The following HERPUD2 variants were observed in gnomAD, a reference collection of about 807,000 sequenced individuals.
The protein encoded by HERPUD2 is HERPUD family member 2.
Under a neutral mutation model 49.9 loss-of-function variants are expected in HERPUD2, and 13 were observed. The ratio of observed to expected loss-of-function variants is 0.26; its 90% CI spans 0.17 to 0.41. The LOEUF (loss-of-function observed/expected upper bound fraction) is 0.41, where lower values mean the gene tolerates loss of function less well. Among genes scored for constraint, HERPUD2 ranks in the 10% least tolerant of loss-of-function variants. The pLI is 1.00. For missense variants in HERPUD2, 449 were observed against 492.2 expected (o/e 0.91, Z 0.83); for synonymous variants, 172 against 171.4 (o/e 1.00, Z -0.03).
At chr7:35,655,726 A>C (rs1471123909) in intron 5 of HERPUD2, among the ~76,000 whole-genome samples, 1 of 152,232 alleles carries the variant, frequency 6.6e-6, no homozygotes, top group East Asian at 1.9e-4. Flanking sequence ...AAGGCAGCCA[A>C]ATTGGAAAAG....
chr7:35,638,760 T>C (rs1385009138), intron 5 of HERPUD2, among the ~76,000 whole-genome samples: 1 of 152,202 alleles, frequency 6.6e-6, no homozygotes, highest in Admixed American at 6.5e-5. Context: ...TATCTTCCCA[T>C]TTCATTACAT....
At chr7:35,653,274 T>C (rs1785203842) in intron 5 of HERPUD2, among the ~76,000 whole-genome samples, 2 of 152,052 alleles carry the variant, frequency 1.3e-5, no homozygotes, top group Non-Finnish European at 2.9e-5. Flanking sequence ...AACAAGAACA[T>C]CTATCCTTAT....
At chr7:35,647,244 T>A (rs1414995174) in intron 5 of HERPUD2, among the ~76,000 whole-genome samples, 1 of 152,142 alleles carries the variant, frequency 6.6e-6, no homozygotes, top group Non-Finnish European at 1.5e-5. Context: ...GCGATTGCTT[T>A]ATTCTCCCTA....
intron 2 of HERPUD2, among the ~76,000 whole-genome samples, chr7:35,675,005 G>C (rs147762623): frequency 1.3e-5 from 2 of 152,202 alleles, no homozygotes; most frequent in African/African-American, 4.8e-5. Flanking sequence ...AACCCCAGGA[G>C]GGGGTCACGG....
At chr7:35,693,214 TTCAGAATGGAAC>T (rs1274877342) in intron 2 of HERPUD2, among the ~76,000 whole-genome samples, 4 of 152,216 alleles carry the variant, frequency 2.6e-5, no homozygotes, top group Non-Finnish European at 4.4e-5. Flanking sequence ...CCAGTTATGA[TTCAGAATGGAAC>T]ACAGAATGGA....
chr7:35,650,480 T>C (rs1254853794), intron 5 of HERPUD2, among the ~76,000 whole-genome samples: 1 of 151,940 alleles, frequency 6.6e-6, no homozygotes, highest in African/African-American at 2.4e-5. Context: ...CACCTCCTAA[T>C]TCCTAAGTAG....
chr7:35,651,662 G>A (rs889494121), intron 5 of HERPUD2, among the ~76,000 whole-genome samples: 22 of 151,804 alleles, frequency 1.4e-4, no homozygotes, highest in African/African-American at 5.3e-4. Flanking sequence ...CATAAGGATA[G>A]AAGAAACATG....
chr7:35,683,020 C>T (rs2116024390), intron 2 of HERPUD2, among the ~76,000 whole-genome samples: 1 of 152,114 alleles, frequency 6.6e-6, no homozygotes, highest in East Asian at 1.9e-4. Flanking sequence ...AAATTCAACG[C>T]AATTCCCATC....
chr7:35,669,130 G>A (rs772312543), intron 4 of HERPUD2, among the ~76,000 whole-genome samples: 15 of 151,912 alleles, frequency 9.9e-5, no homozygotes, highest in South Asian at 2.1e-4. Flanking sequence ...TGTGTCCGAC[G>A]ACTACAAAAA....
chr7:35,637,172 T>C (rs28371397), intron 6 of HERPUD2, among the ~76,000 whole-genome samples: 2 of 121,342 alleles, frequency 1.6e-5, no homozygotes, highest in Admixed American at 1.6e-4. Flanking sequence ...GATAGATAGA[T>C]AGATAGATAG....
At chr7:35,687,966 A>G (rs1195609163) in intron 2 of HERPUD2, among the ~76,000 whole-genome samples, 2 of 152,204 alleles carry the variant, frequency 1.3e-5, no homozygotes, top group Non-Finnish European at 2.9e-5. Context: ...CAAATTTCAT[A>G]TGCTAATTTA....
intron 5 of HERPUD2, among the ~76,000 whole-genome samples, chr7:35,639,424 G>C (rs1784929998): frequency 6.6e-6 from 1 of 152,112 alleles, no homozygotes; most frequent in South Asian, 2.1e-4. Flanking sequence ...TCTAATAATA[G>C]AATCTTCCTC....
At chr7:35,674,449 A>AGAGAGG (rs1785716163) in intron 2 of HERPUD2, among the ~76,000 whole-genome samples, 1 of 127,004 alleles carries the variant, frequency 7.9e-6, no homozygotes, top group Non-Finnish European at 1.7e-5. Context: ...AGAGAGAGAG[A>AGAGAGG]GAGAGAGAGA....
chr7:35,659,880 T>C (rs1785372878), intron 5 of HERPUD2, among the ~76,000 whole-genome samples: 1 of 152,088 alleles, frequency 6.6e-6, no homozygotes. Context: ...TTTTTTTTAT[T>C]CCTTTATTTT....
At chr7:35,646,086 A>G (rs909480348) in intron 5 of HERPUD2, among the ~76,000 whole-genome samples, 9 of 152,244 alleles carry the variant, frequency 5.9e-5, no homozygotes, top group African/African-American at 2.2e-4. Context: ...AGCACAATAA[A>G]TATGTTTTGA....
At chr7:35,671,960 G>T (rs1463336417) in intron 3 of HERPUD2, among the ~76,000 whole-genome samples, 5 of 151,762 alleles carry the variant, frequency 3.3e-5, no homozygotes, top group Non-Finnish European at 1.5e-5. Flanking sequence ...GAAAAAAAAA[G>T]AACAGCCAGA....
rs528141829 is a variant in HERPUD2 at position 35,664,897 on chromosome 7, A to G, written c.494+2537T>C. 3.3e-5 allele frequency among the ~76,000 whole-genome samples: 5 copies of G among 152,064 alleles called. No homozygotes were observed. In the South Asian group the frequency reaches 1.0e-3, roughly 32 times the overall value. ...GATTGTCTGAAGCCGCCTTCTCTCG[A>G]CTCGTCAAAGTCATTCTCCATACAG... On this transcript the variant is annotated intron_variant, in intron 5 of 8. Transcript: ENST00000311350.
At chr7:35,687,051 C>A (rs1562688872) in intron 2 of HERPUD2, among the ~76,000 whole-genome samples, 1 of 151,968 alleles carries the variant, frequency 6.6e-6, no homozygotes, top group Non-Finnish European at 1.5e-5. Flanking sequence ...CAGTGCGAGA[C>A]TCTGTCTCAA....
In HERPUD2 at chr7:35,638,614, T is replaced by A; in HGVS notation, c.495-142A>T. On this transcript the variant is annotated intron_variant, in intron 5 of 8. Coordinates refer to ENST00000311350, the MANE Select transcript of HERPUD2 (RefSeq NM_022373.5). Reference sequence around the variant, plus strand: ...AAAGAAAAATACTTACTTTCAACGATTCTTCAAATAAGACAATATGTCTTA... The same window carrying A: ...AAAGAAAAATACTTACTTTCAACGAATCTTCAAATAAGACAATATGTCTTA... 9 of 814,400 alleles carry A rather than the reference T, an allele frequency of 1.1e-5. No homozygotes were observed. In the South Asian group the frequency reaches 2.0e-4, roughly 18 times the overall value. The allele number at this position is 814,400 out of a possible 1,614,324, so 50.4% of individuals were successfully genotyped here.
Sources: allele counts gnomAD v4.1 joint callset (sites outside exome capture counted in the v4.1 genomes callset), GRCh38; gene constraint gnomAD v4.1.1; transcripts MANE v1.5; gene names NCBI Gene and HGNC (gene_info 2026-07-23, HGNC 2026-07-21).